GRID2: variants seen among roughly 807,000 people sequenced by gnomAD.
The protein encoded by GRID2 is glutamate receptor ionotropic, delta-2.
In GRID2, 33 loss-of-function variants were observed where a neutral mutation model predicts 114.8. That is an observed-to-expected ratio of 0.29 (90% CI 0.22 to 0.38). The LOEUF is 0.38. GRID2 is among the 10% of genes least tolerant of loss of function. GRID2 has a pLI of 1.00. For missense variants in GRID2, 1,184 were observed against 1,257.7 expected, an observed-to-expected ratio of 0.94 and a Z score of 0.89; for synonymous variants, 505 against 449.9, an observed-to-expected ratio of 1.12 and a Z score of -1.55.
At chr4:92,613,129 A>G (rs1243135754) in intron 2 of GRID2, among the ~76,000 whole-genome samples, 1 of 151,416 alleles carries the variant, frequency 6.6e-6, no homozygotes, top group African/African-American at 2.4e-5. Context: ...GTTTCTAATC[A>G]TAATTGATGC....
chr4:93,441,977 C>T (rs1488538407), intron 10 of GRID2, among the ~76,000 whole-genome samples: 2 of 151,936 alleles, frequency 1.3e-5, no homozygotes, highest in Non-Finnish European at 2.9e-5. Flanking sequence ...GTCTCTCCTA[C>T]TCATTTTATA....
chr4:93,407,676 A>T (rs1349492781), intron 9 of GRID2, among the ~76,000 whole-genome samples: 1 of 140,240 alleles, frequency 7.1e-6, no homozygotes, highest in African/African-American at 2.7e-5. Context: ...ATTTTTCAGA[A>T]TTTTTTTTTT....
In GRID2 at chr4:92,940,363, T is replaced by C. The variant is rs1453010123; in HGVS notation, c.245-144632T>C. ...GGAGTTCACTCATAATTTGGCTCTCTGTTTGTCTGTTATTGGTGTGTAAGA... is the reference window on the plus strand; with the variant it reads ...GGAGTTCACTCATAATTTGGCTCTCCGTTTGTCTGTTATTGGTGTGTAAGA... On this transcript the variant is annotated intron_variant, in intron 2 of 15. Coordinates refer to ENST00000282020, the MANE Select transcript of GRID2 (RefSeq NM_001510.4). Among the ~76,000 whole-genome samples, 2 of 140,146 alleles carry C rather than the reference T, an allele frequency of 1.4e-5. 1 individual carries two copies. Among genetic ancestry groups the C allele is most frequent in the Non-Finnish European group, 3.1e-5 (2 of 64,278 alleles). The allele number at this position is 140,146 out of a possible 152,430, so 91.9% of individuals were successfully genotyped here.
chr4:93,020,404 A>G (rs1351905986), intron 2 of GRID2, among the ~76,000 whole-genome samples: 1 of 152,192 alleles, frequency 6.6e-6, no homozygotes, highest in African/African-American at 2.4e-5. Context: ...GTTCATATAC[A>G]GTTATTAATT....
intron 13 of GRID2, among the ~76,000 whole-genome samples, chr4:93,555,768 C>G (rs1343851653): frequency 1.3e-5 from 2 of 152,220 alleles, no homozygotes; most frequent in African/African-American, 4.8e-5. Context: ...AAGGGACAGA[C>G]TTCCTCCTCA....
chr4:92,398,052 C>T (rs1264186969), intron 1 of GRID2, among the ~76,000 whole-genome samples: 2 of 152,116 alleles, frequency 1.3e-5, no homozygotes, highest in Non-Finnish European at 2.9e-5. Context: ...CTGGCACACA[C>T]ACACAAAATA....
intron 2 of GRID2, among the ~76,000 whole-genome samples, chr4:92,799,634 G>C (rs1740061020): frequency 1.3e-5 from 2 of 151,868 alleles, no homozygotes; most frequent in South Asian, 4.2e-4. Context: ...CAATCAGATT[G>C]TTTTGGGGCC....
intron 1 of GRID2, among the ~76,000 whole-genome samples, chr4:92,412,180 T>C (rs1731372656): frequency 6.6e-6 from 1 of 152,144 alleles, no homozygotes; most frequent in African/African-American, 2.4e-5. Context: ...CCTAGAAAAG[T>C]AATCATGGTT....
chr4:92,826,733 T>C (rs1266918899), intron 2 of GRID2, among the ~76,000 whole-genome samples: 1 of 152,184 alleles, frequency 6.6e-6, no homozygotes, highest in African/African-American at 2.4e-5. Context: ...ATTAATTTAG[T>C]ACTTTTGTAC....
chr4:92,930,903 C>A lies in GRID2; in HGVS notation c.245-154092C>A, dbSNP rs558507065. Reference sequence around the variant, plus strand: ...AACATTCCACAAAGAAAACTCCAGGCACGGAAAGATTGGCAGGTTAATTCT... The same window carrying A: ...AACATTCCACAAAGAAAACTCCAGGAACGGAAAGATTGGCAGGTTAATTCT... On this transcript the variant is annotated intron_variant, in intron 2 of 15. Coordinates refer to ENST00000282020, the MANE Select transcript of GRID2 (RefSeq NM_001510.4). Among the ~76,000 whole-genome samples, 7 of 150,802 alleles carry A rather than the reference C, an allele frequency of 4.6e-5. No individual in the cohort carries two copies. In the East Asian group the frequency reaches 1.4e-3, roughly 29 times the overall value.
At chr4:92,891,889 G>C (rs1746808041) in intron 2 of GRID2, among the ~76,000 whole-genome samples, 1 of 152,142 alleles carries the variant, frequency 6.6e-6, no homozygotes, top group Admixed American at 6.5e-5. Context: ...GCAGTTCTGT[G>C]TCAAATATTC....
intron 2 of GRID2, among the ~76,000 whole-genome samples, chr4:92,961,383 T>A (rs1752798055): frequency 6.6e-6 from 1 of 151,306 alleles, no homozygotes; most frequent in Non-Finnish European, 1.5e-5. Context: ...CCTCAAATTT[T>A]TTTTTTTTTT....
rs201324925 is a variant in GRID2 at position 93,806,401 on chromosome 4, T to C, written c.222-314T>C. ...CTGCCTTTATTTTCTGGTGAAGATATTGAAGTCCTTATCCACTCTAAACTA... is the reference window on the plus strand; with the variant it reads ...CTGCCTTTATTTTCTGGTGAAGATACTGAAGTCCTTATCCACTCTAAACTA... On this transcript the variant is annotated intron_variant, in intron 1 of 1. Coordinates refer to the GRID2 transcript ENST00000637838. 3.9e-5 allele frequency among the ~76,000 whole-genome samples: 6 copies of C among 152,300 alleles called. No homozygotes were observed. In the East Asian group the frequency reaches 9.7e-4, roughly 25 times the overall value.
intron 1 of GRID2, among the ~76,000 whole-genome samples, chr4:92,431,089 C>A (rs1490797040): frequency 6.6e-6 from 1 of 151,970 alleles, no homozygotes; most frequent in Non-Finnish European, 1.5e-5. Flanking sequence ...TTTGGATGAC[C>A]CTTTATATAT....
At chr4:93,028,865 A>G (rs1724132276) in intron 2 of GRID2, among the ~76,000 whole-genome samples, 1 of 152,062 alleles carries the variant, frequency 6.6e-6, no homozygotes, top group Non-Finnish European at 1.5e-5. Context: ...GATGTACTTT[A>G]AAAAGTGTGA....
intron 2 of GRID2, among the ~76,000 whole-genome samples, chr4:92,596,586 G>A (rs1663706067): frequency 6.6e-6 from 1 of 151,940 alleles, no homozygotes; most frequent in African/African-American, 2.4e-5. Flanking sequence ...TGGGCCACAA[G>A]GTCTGGAATT....
intron 8 of GRID2, among the ~76,000 whole-genome samples, chr4:93,331,434 T>C (rs1758438126): frequency 6.6e-6 from 1 of 151,942 alleles, no homozygotes; most frequent in South Asian, 2.1e-4. Context: ...AATCATGGCC[T>C]CAACACTCCT....
intron 8 of GRID2, among the ~76,000 whole-genome samples, chr4:93,306,803 T>A (rs1349426073): frequency 2.6e-5 from 4 of 152,208 alleles, no homozygotes; most frequent in African/African-American, 9.6e-5. Flanking sequence ...TTTCTTGCAT[T>A]CTTTTGTGAT....
chr4:92,625,306 A>G (rs888914145), intron 2 of GRID2, among the ~76,000 whole-genome samples: 2 of 151,836 alleles, frequency 1.3e-5, no homozygotes, highest in African/African-American at 4.8e-5. Flanking sequence ...GTGCTATCAC[A>G]AAATCTTAGA....
Sources: allele counts gnomAD v4.1 joint callset (sites outside exome capture counted in the v4.1 genomes callset), GRCh38; gene constraint gnomAD v4.1.1; transcripts MANE v1.5; gene names NCBI Gene and HGNC (gene_info 2026-07-23, HGNC 2026-07-21).